The following CTDSPL2 variants were observed in gnomAD, a reference collection of about 807,000 sequenced individuals.
CTDSPL2 encodes CTD small phosphatase-like protein 2.
CTDSPL2 carries 5 observed loss-of-function variants against 60.0 expected under a neutral mutation model. That is an observed-to-expected ratio of 0.08 (90% CI 0.04 to 0.18). The LOEUF (loss-of-function observed/expected upper bound fraction) is 0.18, where lower values mean the gene tolerates loss of function less well. CTDSPL2 is among the 10% of genes least tolerant of loss of function. The probability of loss-of-function intolerance (pLI) is 1.00; values close to 1 mark genes in which losing one functional copy is unlikely to be tolerated. For synonymous variants in CTDSPL2, 186 were observed against 189.3 expected, an observed-to-expected ratio of 0.98 and a Z score of 0.14; for missense variants, 370 against 548.8, an observed-to-expected ratio of 0.67 and a Z score of 3.26.
At chr15:44,440,067 T>C (rs996195120) in intron 1 of CTDSPL2, among the ~76,000 whole-genome samples, 2 of 152,192 alleles carry the variant, frequency 1.3e-5, no homozygotes, top group African/African-American at 4.8e-5. Context: ...TTTTAGAAAT[T>C]AATGGATATG....
chr15:44,461,304 C>G (rs1465988694), intron 2 of CTDSPL2, among the ~76,000 whole-genome samples: 3 of 152,230 alleles, frequency 2.0e-5, no homozygotes, highest in Admixed American at 2.0e-4. Context: ...AAACTTAACA[C>G]TAATAACCTC....
intron 1 of CTDSPL2, among the ~76,000 whole-genome samples, 184 bp from the exon 2 acceptor site, chr15:44,458,807 T>C (rs1413340621): frequency 6.6e-6 from 1 of 152,192 alleles, no homozygotes; most frequent in African/African-American, 2.4e-5. Context: ...ATAATATAAA[T>C]AATGTATAAA....
chr15:44,433,034 G>A (rs1325287005), intron 1 of CTDSPL2, among the ~76,000 whole-genome samples: 3 of 152,058 alleles, frequency 2.0e-5, no homozygotes, highest in Non-Finnish European at 2.9e-5. Context: ...CAACACAACA[G>A]GCTGGGCTTG....
chr15:44,454,112 G>A (rs566389476), intron 1 of CTDSPL2, among the ~76,000 whole-genome samples: 1 of 152,210 alleles, frequency 6.6e-6, no homozygotes, highest in South Asian at 2.1e-4. Flanking sequence ...TTTAATGATC[G>A]CCATTCTAAC....
At chr15:44,444,302 TAC>T (rs59993417) in intron 1 of CTDSPL2, among the ~76,000 whole-genome samples, 9,854 of 135,866 alleles carry the variant, frequency 0.073, 376 homozygotes, top group East Asian at 0.19. Flanking sequence ...GCTTTTCCCA[TAC>T]ACACACACAC....
chr15:44,468,596 CT>C (rs2080742672), intron 2 of CTDSPL2, among the ~76,000 whole-genome samples: 1 of 152,068 alleles, frequency 6.6e-6, no homozygotes, highest in African/African-American at 2.4e-5. Context: ...TAAACATTTT[CT>C]ATAAATATTT....
chr15:44,458,953 T>A, intron 1 of CTDSPL2, 38 bp from the exon 2 acceptor site: 1 of 1,323,210 alleles, frequency 7.6e-7, no homozygotes, highest in Non-Finnish European at 1.0e-6. Context: ...TTTAATAACT[T>A]TTAATTTTTT....
At chr15:44,465,546 G>C (rs1225667006) in intron 2 of CTDSPL2, among the ~76,000 whole-genome samples, 2 of 151,914 alleles carry the variant, frequency 1.3e-5, no homozygotes, top group Non-Finnish European at 2.9e-5. Context: ...TTTCTGTTTT[G>C]TTTCTTCTTC....
At chr15:44,454,809 A>G (rs1032876714) in intron 1 of CTDSPL2, among the ~76,000 whole-genome samples, 2 of 152,210 alleles carry the variant, frequency 1.3e-5, no homozygotes, top group Admixed American at 6.5e-5. Context: ...TACCAGTACC[A>G]TGCTGTTTTG....
At chr15:44,490,728 T>G in intron 4 of CTDSPL2, 56 bp from the exon 5 acceptor site, 2 of 1,361,210 alleles carry the variant, frequency 1.5e-6, no homozygotes, top group Non-Finnish European at 2.1e-6. Context: ...CTGCATTTAG[T>G]TTTTCTAAAT....
At chr15:44,505,753 AAAG>A (rs1211428065) in intron 8 of CTDSPL2, among the ~76,000 whole-genome samples, 1 of 151,758 alleles carries the variant, frequency 6.6e-6, no homozygotes, top group East Asian at 1.9e-4. Flanking sequence ...AAAAAAAAGA[AAAG>A]AAAAGAAAAC....
At chr15:44,510,972 G>T (rs1013627614) in intron 8 of CTDSPL2, among the ~76,000 whole-genome samples, 8 of 152,108 alleles carry the variant, frequency 5.3e-5, no homozygotes, top group African/African-American at 9.7e-5. Flanking sequence ...GACGCTGCTG[G>T]CCTTATGTCT....
intron 5 of CTDSPL2, among the ~76,000 whole-genome samples, chr15:44,493,577 T>C (rs1190591427): frequency 6.6e-6 from 1 of 152,130 alleles, no homozygotes; most frequent in Non-Finnish European, 1.5e-5. Context: ...GCAGATCACT[T>C]GAGCTTAGGA....
intron 1 of CTDSPL2, among the ~76,000 whole-genome samples, chr15:44,431,710 TTG>T (rs1468768271): frequency 6.8e-6 from 1 of 147,332 alleles, no homozygotes; most frequent in Non-Finnish European, 1.5e-5. Flanking sequence ...GTTTGTTTGT[TTG>T]TTTGTTTTTT....
At chr15:44,468,476 CTG>C (rs754826759) in intron 2 of CTDSPL2, among the ~76,000 whole-genome samples, 5 of 152,188 alleles carry the variant, frequency 3.3e-5, no homozygotes, top group Non-Finnish European at 5.9e-5. Flanking sequence ...TTAATATTAA[CTG>C]TTCATTCTGT....
At chr15:44,455,594 C>G (rs1567068657) in intron 1 of CTDSPL2, among the ~76,000 whole-genome samples, 2 of 152,082 alleles carry the variant, frequency 1.3e-5, no homozygotes, top group African/African-American at 4.8e-5. Context: ...AGATACATCC[C>G]ATCAATACCT....
At chr15:44,502,636 G>A (rs1287937471) in intron 8 of CTDSPL2, among the ~76,000 whole-genome samples, 1 of 152,096 alleles carries the variant, frequency 6.6e-6, no homozygotes, top group African/African-American at 2.4e-5. Flanking sequence ...TCAGTGGCAG[G>A]CTGCATTTGG....
At chr15:44,498,008 T>C (rs2140826862) in intron 7 of CTDSPL2, among the ~76,000 whole-genome samples, 1 of 151,446 alleles carries the variant, frequency 6.6e-6, no homozygotes, top group South Asian at 2.1e-4. Context: ...GAAAAAAAAA[T>C]GATATTTTAG....
At chr15:44,492,879 A>G (rs937945834) in intron 5 of CTDSPL2, among the ~76,000 whole-genome samples, 1 of 152,330 alleles carries the variant, frequency 6.6e-6, no homozygotes. Context: ...CTAATAAAGT[A>G]TAGACTAAAG....
Sources: allele counts gnomAD v4.1 joint callset (sites outside exome capture counted in the v4.1 genomes callset), GRCh38; gene constraint gnomAD v4.1.1; transcripts MANE v1.5; gene names NCBI Gene and HGNC (gene_info 2026-07-23, HGNC 2026-07-21).